The following CDH4 variants were observed in gnomAD, a reference collection of about 807,000 sequenced individuals.
CDH4 encodes the protein cadherin 4.
A neutral mutation model predicts 86.0 loss-of-function variants in CDH4; 33 were observed. That is an observed-to-expected ratio of 0.38 (90% CI 0.29 to 0.51). The LOEUF (loss-of-function observed/expected upper bound fraction) is 0.51, where lower values mean the gene tolerates loss of function less well. Ranked by LOEUF, CDH4 falls within the 20% of genes least tolerant of loss-of-function variation. CDH4 has a pLI of 0.86. For synonymous variants in CDH4, 555 were observed against 549.4 expected, an observed-to-expected ratio of 1.01 and a Z score of -0.14; for missense variants, 1,114 against 1,307.4, an observed-to-expected ratio of 0.85 and a Z score of 2.28.
chr20:61,322,637 A>G (rs1434138018), intron 2 of CDH4, among the ~76,000 whole-genome samples: 1 of 152,210 alleles, frequency 6.6e-6, no homozygotes, highest in African/African-American at 2.4e-5. Context: ...CTTTTGTCCC[A>G]GAGCCCTTTC....
At chr20:61,729,923 C>T (rs67412933) in intron 2 of CDH4, among the ~76,000 whole-genome samples, 9,069 of 152,188 alleles carry the variant, frequency 0.06, 747 homozygotes, top group East Asian at 0.37. Context: ...TCTAACATTC[C>T]GGAGACAGAG....
At chr20:61,295,798 G>A (rs545387854) in intron 2 of CDH4, among the ~76,000 whole-genome samples, 4 of 152,274 alleles carry the variant, frequency 2.6e-5, no homozygotes, top group Admixed American at 6.5e-5. Context: ...GCTGCTGCCC[G>A]GCCTGTGTCC....
rs535445603 is a variant in CDH4 at position 61,709,091 on chromosome 20, C to T, written c.170-34472C>T. The stretch of plus-strand genomic sequence containing the variant: ...GTGTGGAGGACACTGGCTGAGTTCA[C>T]ATCACCCCAAAGCCTCGGGTCCCAG... On this transcript the variant is annotated intron_variant, in intron 2 of 15. Transcript: ENST00000614565. This position sits in a 1 kb window ranked among gnomAD's most constrained non-coding sequence, Gnocchi z 4.8. Among the ~76,000 whole-genome samples, 4 of 152,270 alleles carry T rather than the reference C, an allele frequency of 2.6e-5. No homozygotes were observed. Among genetic ancestry groups the T allele is most frequent in the Non-Finnish European group, 5.9e-5 (4 of 68,020 alleles).
In CDH4 at chr20:61,938,825, GC is replaced by G. The variant is rs2055228367; in HGVS notation, c.*1886del. 6.6e-6 allele frequency: 1 copy of G among 152,430 alleles called. No individual in the cohort carries two copies. The highest frequency in any genetic ancestry group is 1.5e-5 in the Non-Finnish European group (1 of 68,182). The allele number at this position is 152,430 out of a possible 1,614,324, so 9.4% of individuals were successfully genotyped here. A position where few individuals can be genotyped will look rare whatever the true frequency, so the allele number is the denominator to read the frequency against. On this transcript the variant is annotated 3_prime_UTR_variant, in exon 16 of 16. Coordinates refer to ENST00000614565, the MANE Select transcript of CDH4 (RefSeq NM_001794.5). ...CCTTGTCCAAACCAAACTCACAGCT[GC>G]CCCTGTGCAGCCTTCAGAGTTGAGC...
chr20:61,816,095 G>A (rs1029626995), intron 4 of CDH4, among the ~76,000 whole-genome samples: 27 of 152,314 alleles, frequency 1.8e-4, no homozygotes, highest in African/African-American at 6.3e-4. Flanking sequence ...CCCCGCAGAA[G>A]GGCAGCTGGG....
At chr20:61,664,408 G>A (rs11905382) in intron 2 of CDH4, among the ~76,000 whole-genome samples, 3,198 of 152,304 alleles carry the variant, frequency 0.021, 118 homozygotes, top group African/African-American at 0.074. Context: ...CACAGCTGGG[G>A]CATGGGGAGA....
chr20:61,476,821 C>G (rs1006990052), intron 2 of CDH4, among the ~76,000 whole-genome samples: 1 of 152,206 alleles, frequency 6.6e-6, no homozygotes, highest in African/African-American at 2.4e-5. Context: ...CCCAGGAATA[C>G]TGACACAGGC....
At chr20:61,638,718 G>A (rs2086974801) in intron 2 of CDH4, among the ~76,000 whole-genome samples, 1 of 152,198 alleles carries the variant, frequency 6.6e-6, no homozygotes, top group South Asian at 2.1e-4. Context: ...AAAATGGGTT[G>A]GTTTCTGGTT....
intron 2 of CDH4, among the ~76,000 whole-genome samples, chr20:61,583,309 T>G: frequency 1.9e-5 from 2 of 107,666 alleles, no homozygotes; most frequent in Admixed American, 1.9e-4. Context: ...CAGAGGGCTC[T>G]GTGGGGGGAC....
At chr20:61,354,348 C>T (rs2084733798) in intron 2 of CDH4, among the ~76,000 whole-genome samples, 1 of 152,192 alleles carries the variant, frequency 6.6e-6, no homozygotes, top group South Asian at 2.1e-4. Flanking sequence ...CCAAGACTTA[C>T]CTCTTCCTGG....
intron 4 of CDH4, among the ~76,000 whole-genome samples, chr20:61,799,042 T>C (rs1979698375): frequency 6.6e-6 from 1 of 152,230 alleles, no homozygotes; most frequent in Non-Finnish European, 1.5e-5. Context: ...TTTTAATGTA[T>C]GTTAAGTAGA....
chr20:61,324,551 T>C (rs1401232031), intron 2 of CDH4, among the ~76,000 whole-genome samples: 1 of 152,206 alleles, frequency 6.6e-6, no homozygotes, highest in Admixed American at 6.5e-5. Context: ...CTGGTGTGTC[T>C]GAGTCTCTTC....
chr20:61,648,759 G>A (rs1282453539), intron 2 of CDH4, among the ~76,000 whole-genome samples: 1 of 152,186 alleles, frequency 6.6e-6, no homozygotes, highest in African/African-American at 2.4e-5. Flanking sequence ...GTATTTGCAT[G>A]TGTTACGGGG....
chr20:61,909,989 C>A (rs1050758038), intron 8 of CDH4, among the ~76,000 whole-genome samples: 1 of 152,282 alleles, frequency 6.6e-6, no homozygotes, highest in Admixed American at 6.5e-5. Context: ...ACCTGCCGGG[C>A]AGGTCTGCAC....
intron 11 of CDH4, 91 bp downstream of exon 11, chr20:61,924,567 C>G (rs1477260612): frequency 7.0e-7 from 1 of 1,424,952 alleles, no homozygotes; most frequent in Non-Finnish European, 9.5e-7. Flanking sequence ...AGGGAGACCC[C>G]GAGAGGCCAG....
At chr20:61,396,723 C>T (rs1050649842) in intron 2 of CDH4, among the ~76,000 whole-genome samples, 5 of 152,128 alleles carry the variant, frequency 3.3e-5, no homozygotes, top group South Asian at 2.1e-4. Context: ...GCGGAGGCCC[C>T]GAAGGGGTAG....
intron 2 of CDH4, among the ~76,000 whole-genome samples, chr20:61,408,454 C>T (rs796355944): frequency 5.9e-5 from 9 of 152,238 alleles, no homozygotes; most frequent in East Asian, 1.9e-4. Context: ...TTGACCAGAC[C>T]GTAACCGTAG....
At chr20:61,406,317 C>G (rs73915018) in intron 2 of CDH4, among the ~76,000 whole-genome samples, 33,106 of 146,036 alleles carry the variant, frequency 0.23, 9,684 homozygotes, top group African/African-American at 0.7. Flanking sequence ...CTGCCTGGAC[C>G]ACCATCTGCT....
At chr20:61,603,996 C>T (rs1048935824) in intron 2 of CDH4, among the ~76,000 whole-genome samples, 8 of 152,084 alleles carry the variant, frequency 5.3e-5, no homozygotes, top group East Asian at 1.9e-4. Flanking sequence ...CACACACACA[C>T]GTGATTGATC....
Sources: allele counts gnomAD v4.1 joint callset (sites outside exome capture counted in the v4.1 genomes callset), GRCh38; gene constraint gnomAD v4.1.1; non-coding constraint Gnocchi (gnomAD v3.1); transcripts MANE v1.5; gene names NCBI Gene and HGNC (gene_info 2026-07-23, HGNC 2026-07-21).